The following WNT4 variants were observed in gnomAD, a reference collection of about 807,000 sequenced individuals.
WNT4 encodes the protein protein Wnt-4.
Under a neutral mutation model 34.5 loss-of-function variants are expected in WNT4, and 16 were observed. That is an observed-to-expected ratio of 0.46 (90% CI 0.31 to 0.70). WNT4 has a LOEUF of 0.70. Among genes scored for constraint, WNT4 ranks in the 30% least tolerant of loss-of-function variants. The pLI, the probability that WNT4 is intolerant of heterozygous loss-of-function variation, is 0.04. For missense variants in WNT4, 379 were observed against 495.9 expected, an observed-to-expected ratio of 0.76 and a Z score of 2.24; for synonymous variants, 200 against 211.9, an observed-to-expected ratio of 0.94 and a Z score of 0.49.
intron 4 of WNT4, 63 bp downstream of exon 4, chr1:22,121,148 G>C: frequency 6.6e-7 from 1 of 1,510,126 alleles, no homozygotes; most frequent in South Asian, 1.1e-5. Flanking sequence ...GTGGGTGGGA[G>C]AGTCTGGGGC....
At chr1:22,128,753 T>G (rs1645959388) in intron 2 of WNT4, among the ~76,000 whole-genome samples, 1 of 151,542 alleles carries the variant, frequency 6.6e-6, no homozygotes, top group East Asian at 2.0e-4. Flanking sequence ...GGAGTCTAGC[T>G]CTGTCTCCCA....
At chr1:22,127,603 G>C in intron 2 of WNT4, 1 of 391,140 alleles carries the variant, frequency 2.6e-6, no homozygotes, top group African/African-American at 2.1e-5. Flanking sequence ...GCTAGAAGCA[G>C]TGTGAACACA....
At chr1:22,129,478 C>T (rs1645965705) in intron 2 of WNT4, 138 bp downstream of exon 2, 2 of 1,055,968 alleles carry the variant, frequency 1.9e-6, no homozygotes, top group East Asian at 5.2e-5. Flanking sequence ...ATCCTTTATG[C>T]CCTCACTTGG....
Position 22,121,328 on chromosome 1 carries a change from G to A in WNT4, c.471C>T (p.Asp157=), listed in dbSNP as rs12067696. ...PQGFQWSGCS[D]NIAYGVAFSQ... The stretch of plus-strand genomic sequence containing the variant: ...AGAAGGCCACACCGTAGGCGATGTT[G>A]TCAGAGCATCCTGACCACTGGAAGC... The change falls in exon 4 of 5, where the codon GAC becomes GAT. Residue 157 remains aspartate (D), a synonymous_variant. Coordinates refer to ENST00000290167, the MANE Select transcript of WNT4 (RefSeq NM_030761.5). The A allele has an allele frequency of 4.8e-3, 7,737 of 1,614,166 alleles. 299 individuals carry two copies. In the African/African-American group the frequency reaches 0.086, roughly 18 times the overall value.
chr1:22,125,965 T>G (rs571366997), intron 2 of WNT4, among the ~76,000 whole-genome samples: 2 of 152,322 alleles, frequency 1.3e-5, no homozygotes, highest in African/African-American at 4.8e-5. Context: ...CATTTAATAT[T>G]TTAATATTTG....
intron 2 of WNT4, among the ~76,000 whole-genome samples, chr1:22,122,450 T>C (rs1473439106): frequency 6.6e-6 from 1 of 152,142 alleles, no homozygotes; most frequent in South Asian, 2.1e-4. Context: ...GTCCCTCGCC[T>C]GAATGGATGT....
Position 22,123,317 on chromosome 1 carries a change from C to G in WNT4, c.314-1741G>C, listed in dbSNP as rs536827817. On this transcript the variant is annotated intron_variant, in intron 2 of 4. Transcript: ENST00000290167. ...CTGATCTCCCCTGTGTACTGGTGGTCCCTGGGGTGCAGGGCCACCAGGGAG... is the reference window on the plus strand; with the variant it reads ...CTGATCTCCCCTGTGTACTGGTGGTGCCTGGGGTGCAGGGCCACCAGGGAG... Among the ~76,000 whole-genome samples, 39 of 152,196 alleles carry G rather than the reference C, an allele frequency of 2.6e-4. No individual in the cohort carries two copies. The South Asian group carries it at 8.1e-3, about 32-fold the overall frequency.
intron 2 of WNT4, among the ~76,000 whole-genome samples, chr1:22,122,959 T>C (rs10737463): frequency 0.94 from 142,712 of 152,300 alleles, 67,001 homozygotes; most frequent in East Asian, 1. Flanking sequence ...CCATTTTGGG[T>C]CAGCACTGGG....
rs915375226 is a variant in WNT4 at position 22,134,161 on chromosome 1, C to A, written c.78-4310G>T. ...GGACGCCAGCGCAGGCCTCTCTGCC[C>A]CCTCCCTTTGGCCTCCCTGCCTGCC... On this transcript the variant is annotated intron_variant, in intron 1 of 4. Transcript: ENST00000290167. The surrounding 1 kb of genome is among the most constrained non-coding windows in gnomAD (Gnocchi z 4.1). Among the ~76,000 whole-genome samples, 2 of 152,198 alleles carry A rather than the reference C, an allele frequency of 1.3e-5. No individual in the cohort carries two copies. Among genetic ancestry groups the A allele is most frequent in the Non-Finnish European group, 2.9e-5 (2 of 68,036 alleles).
chr1:22,138,537 C>G (rs1394731993), intron 1 of WNT4, among the ~76,000 whole-genome samples: 1 of 152,182 alleles, frequency 6.6e-6, no homozygotes, highest in Non-Finnish European at 1.5e-5. Flanking sequence ...GAGACCCAGA[C>G]AGAAGACTCA....
At chr1:22,125,824 G>A (rs1283047452) in intron 2 of WNT4, among the ~76,000 whole-genome samples, 2 of 152,072 alleles carry the variant, frequency 1.3e-5, no homozygotes, top group Non-Finnish European at 2.9e-5. Flanking sequence ...TTTGCCAGGC[G>A]CTATGGCCTC....
At chr1:22,121,052 C>G (rs116992243) in intron 4 of WNT4, among the ~76,000 whole-genome samples, 159 bp downstream of exon 4, 2 of 152,152 alleles carry the variant, frequency 1.3e-5, no homozygotes, top group Non-Finnish European at 2.9e-5. Context: ...GTCTGTACCC[C>G]CCTCTGGCCT....
intron 2 of WNT4, 83 bp from the exon 3 acceptor site, chr1:22,121,659 A>G: frequency 1.3e-6 from 2 of 1,563,050 alleles, no homozygotes; most frequent in Non-Finnish European, 1.7e-6. Context: ...GGGCATATGG[A>G]GCCTCCTGCT....
Position 22,119,851 on chromosome 1 carries a change from C to A in WNT4, c.*199G>T. 3.0e-6 allele frequency: 2 copies of A among 667,024 alleles called. No individual in the cohort carries two copies. The highest frequency in any genetic ancestry group is 5.0e-6 in the Non-Finnish European group (2 of 396,514). 41.3% of individuals were successfully genotyped at this position (667,024 alleles called of 1,614,324 possible). On this transcript the variant is annotated 3_prime_UTR_variant, in exon 5 of 5. Transcript: ENST00000290167. ...CTTTGGTCAGTGGCAGCCACAAAGG[C>A]CCAGGCTTTGGGGAGGCCCTGGTTG... is the stretch of plus-strand genomic sequence containing the variant.
At position 22,121,323 on chromosome 1, in the gene WNT4, A is replaced by G. The variant is rs570352915; in HGVS notation, c.476T>C (p.Ile159Thr). 1.2e-6 allele frequency: 2 copies of G among 1,614,160 alleles called. No individual in the cohort carries two copies. The highest frequency in any genetic ancestry group is 2.2e-5 in the South Asian group (2 of 91,080). ...CTGTGAGAAGGCCACACCGTAGGCGATGTTGTCAGAGCATCCTGACCACTG... is the reference window on the plus strand; with the variant it reads ...CTGTGAGAAGGCCACACCGTAGGCGGTGTTGTCAGAGCATCCTGACCACTG... The part of the protein sequence containing the change: ...GFQWSGCSDN[I>T]AYGVAFSQSF... Residue 159 changes from isoleucine to threonine, a missense_variant, in exon 4 of 5, where the codon ATC becomes ACC. Coordinates refer to ENST00000290167, the MANE Select transcript of WNT4 (RefSeq NM_030761.5).
rs1356863984 is a variant in WNT4, at chr1:22,137,851, C to T, written c.77+4995G>A. Among the ~76,000 whole-genome samples the T allele has an allele frequency of 6.6e-6, 1 of 152,196 alleles. No homozygotes were observed. Among genetic ancestry groups the T allele is most frequent in the African/African-American group, 2.4e-5 (1 of 41,460 alleles). ...GGCAACAGACACACTTCCTGCCACC[C>T]ACCTCTGTGCCTTTTAGTATCACCT... On this transcript the variant is annotated intron_variant, in intron 1 of 4. Transcript: ENST00000290167. The surrounding 1 kb of genome is among the most constrained non-coding windows in gnomAD (Gnocchi z 5.3).
At chr1:22,126,488 C>A (rs756371180) in intron 2 of WNT4, among the ~76,000 whole-genome samples, 1 of 152,202 alleles carries the variant, frequency 6.6e-6, no homozygotes, top group Admixed American at 6.5e-5. Context: ...TGCCAAGTCT[C>A]CTTTCTCAGC....
chr1:22,136,442 C>A (rs1033385503), intron 1 of WNT4, among the ~76,000 whole-genome samples: 1 of 152,194 alleles, frequency 6.6e-6, no homozygotes, highest in Non-Finnish European at 1.5e-5. Flanking sequence ...CCCAGCAGAA[C>A]TGTCCAGAGC....
rs960256289 is a variant in WNT4, at chr1:22,127,180, A to G, written c.313+2436T>C. The G allele has an allele frequency of 5.2e-5, 22 of 420,440 alleles. 1 individual carries two copies. Among genetic ancestry groups the G allele is most frequent in the Admixed American group, 4.3e-4 (17 of 39,188 alleles). The allele number at this position is 420,440 out of a possible 1,614,324, so 26.0% of individuals were successfully genotyped here. ...ACTGGCTTAGTCTCGGCACCTTGACATGTCCCTCTCCAAAGGGGATTGGAC... is the reference window on the plus strand; with the variant it reads ...ACTGGCTTAGTCTCGGCACCTTGACGTGTCCCTCTCCAAAGGGGATTGGAC... On this transcript the variant is annotated intron_variant, in intron 2 of 4. Coordinates refer to ENST00000290167, the MANE Select transcript of WNT4 (RefSeq NM_030761.5).
Sources: gnomAD v4.1 joint callset for allele counts (sites outside exome capture counted in the v4.1 genomes callset) on GRCh38, gnomAD v4.1.1 for gene constraint, Gnocchi (gnomAD v3.1) non-coding constraint, MANE v1.5 for transcripts, NCBI Gene and HGNC (gene_info 2026-07-23, HGNC 2026-07-21) for gene names.